FAR2: variants seen among roughly 807,000 people sequenced by gnomAD.
FAR2 encodes the protein epididymis secretory protein Li 81.
FAR2 carries 19 observed loss-of-function variants against 56.0 expected under a neutral mutation model. That is an observed-to-expected ratio of 0.34 (90% confidence interval 0.24 to 0.50). FAR2 has a LOEUF of 0.50. Among genes scored for constraint, FAR2 ranks in the 20% least tolerant of loss-of-function variants. The pLI, the probability that FAR2 is intolerant of heterozygous loss-of-function variation, is 0.98. For synonymous variants in FAR2, 219 were observed against 218.8 expected (o/e 1.00, Z -0.01); for missense variants, 508 against 642.2 (o/e 0.79, Z 2.26).
At chr12:29,209,311 T>C (rs1014686972) in intron 1 of FAR2, among the ~76,000 whole-genome samples, 1 of 152,226 alleles carries the variant, frequency 6.6e-6, no homozygotes. Context: ...AAGTCTTCTC[T>C]CACTATCTTC....
intron 1 of FAR2, among the ~76,000 whole-genome samples, chr12:29,233,229 C>T (rs1947886794): frequency 6.6e-6 from 1 of 152,186 alleles, no homozygotes; most frequent in South Asian, 2.1e-4. Flanking sequence ...CAATGTCCAG[C>T]TTCTCTGCAC....
intron 1 of FAR2, among the ~76,000 whole-genome samples, chr12:29,204,812 C>G (rs1028896719): frequency 2.0e-5 from 3 of 152,134 alleles, no homozygotes; most frequent in African/African-American, 7.2e-5. Flanking sequence ...TTTTAAACAA[C>G]CGGATCTCAG....
intron 1 of FAR2, among the ~76,000 whole-genome samples, chr12:29,163,611 T>C (rs898461382): frequency 2.6e-5 from 4 of 152,222 alleles, no homozygotes; most frequent in African/African-American, 9.6e-5. Flanking sequence ...TTAATAAATA[T>C]GATTTGAATT....
rs145300782 is a variant in FAR2, at chr12:29,296,546, C to A, written c.366-475C>A. Among the ~76,000 whole-genome samples the A allele has an allele frequency of 3.3e-5, 5 of 152,262 alleles. No homozygotes were observed. The East Asian group carries it at 9.6e-4, about 29-fold the overall frequency. On this transcript the variant is annotated intron_variant, in intron 3 of 11. Coordinates refer to ENST00000536681, the MANE Select transcript of FAR2 (RefSeq NM_001271783.2). ...ATATAGCTTTGCATTCTACTAGCTG[C>A]AATTTTAGATTTTGACATCAATTTT...
intron 1 of FAR2, among the ~76,000 whole-genome samples, chr12:29,194,395 T>C (rs1417803927): frequency 6.6e-6 from 1 of 152,146 alleles, no homozygotes; most frequent in Non-Finnish European, 1.5e-5. Flanking sequence ...TAGGTACTGA[T>C]ATGATTGTGC....
At chr12:29,221,111 C>T (rs1199374141) in intron 1 of FAR2, among the ~76,000 whole-genome samples, 1 of 152,026 alleles carries the variant, frequency 6.6e-6, no homozygotes, top group East Asian at 1.9e-4. Context: ...ACTCCCTTAC[C>T]AGGGGCGTAT....
At chr12:29,291,033 G>A (rs1591934487) in intron 2 of FAR2, among the ~76,000 whole-genome samples, 1 of 152,092 alleles carries the variant, frequency 6.6e-6, no homozygotes, top group African/African-American at 2.4e-5. Flanking sequence ...ATGCTTGAAG[G>A]GATAGATACC....
chr12:29,326,305 C>G (rs571085794), intron 10 of FAR2, among the ~76,000 whole-genome samples: 110 of 152,202 alleles, frequency 7.2e-4, no homozygotes, highest in Non-Finnish European at 1.4e-3. Context: ...GGATTCACAG[C>G]CGAATTCTAC....
At chr12:29,185,496 C>T (rs16933990) in intron 1 of FAR2, among the ~76,000 whole-genome samples, 6,526 of 152,108 alleles carry the variant, frequency 0.043, 211 homozygotes, top group East Asian at 0.1. Flanking sequence ...AACATTATAC[C>T]GGGTGAACAA....
chr12:29,280,277 T>A (rs1948767230), intron 2 of FAR2: 3 of 152,228 alleles, frequency 2.0e-5, no homozygotes, highest in Admixed American at 6.5e-5. Flanking sequence ...AGGTATGTTA[T>A]TTTGTTCGTT....
rs111448541 is a variant in FAR2, at chr12:29,227,878, TA to T, written c.-38-42521del. Among the ~76,000 whole-genome samples the T allele has an allele frequency of 7.2e-3, 1,058 of 146,992 alleles. 4 individuals are homozygous for T. Among genetic ancestry groups the T allele is most frequent in the African/African-American group, 9.0e-3 (360 of 39,900 alleles). On this transcript the variant is annotated intron_variant, in intron 1 of 11. Coordinates refer to ENST00000536681, the MANE Select transcript of FAR2 (RefSeq NM_001271783.2). ...ATTTCATTGGTATACTTTGCTAAGG[TA>T]AAAAAAAAAAAATTGGCTTCCATTT...
chr12:29,190,321 A>AG (rs1950091479), intron 1 of FAR2, among the ~76,000 whole-genome samples: 1 of 9,884 alleles, frequency 1.0e-4, no homozygotes, highest in Admixed American at 1.8e-3. Flanking sequence ...GAGTGATGAC[A>AG]GAAAAAAAAA....
intron 1 of FAR2, among the ~76,000 whole-genome samples, chr12:29,240,149 A>T (rs1948004217): frequency 6.6e-6 from 1 of 152,210 alleles, no homozygotes; most frequent in Non-Finnish European, 1.5e-5. Context: ...AGATTCACTT[A>T]CCACTGTTTA....
chr12:29,259,055 T>A (rs144577490), intron 1 of FAR2, among the ~76,000 whole-genome samples: 502 of 152,364 alleles, frequency 3.3e-3, no homozygotes, highest in Non-Finnish European at 6.0e-3. Context: ...TGTACTTAGC[T>A]TCATAGGCAG....
intron 11 of FAR2, 171 bp downstream of exon 11, chr12:29,332,898 A>C: frequency 1.4e-6 from 1 of 708,960 alleles, no homozygotes; most frequent in Non-Finnish European, 2.5e-6. Flanking sequence ...ACTTCACCAC[A>C]CCTCTATGAG....
intron 1 of FAR2, among the ~76,000 whole-genome samples, chr12:29,254,718 G>A (rs1236753487): frequency 6.6e-6 from 1 of 152,218 alleles, no homozygotes; most frequent in East Asian, 1.9e-4. Flanking sequence ...TTGGGAGGCC[G>A]AGGCAGGCAG....
intron 2 of FAR2, among the ~76,000 whole-genome samples, chr12:29,290,523 C>T (rs562004319): frequency 1.3e-5 from 2 of 152,120 alleles, no homozygotes; most frequent in South Asian, 4.1e-4. Flanking sequence ...AAAAGGAAAT[C>T]AGTATCTCAA....
intron 1 of FAR2, among the ~76,000 whole-genome samples, chr12:29,257,053 G>C (rs1948330223): frequency 6.6e-6 from 1 of 152,270 alleles, no homozygotes; most frequent in Non-Finnish European, 1.5e-5. Context: ...CTGGCAGGTA[G>C]CTCCATCTGT....
intron 1 of FAR2, among the ~76,000 whole-genome samples, chr12:29,182,091 G>A (rs1949997885): frequency 6.6e-6 from 1 of 152,162 alleles, no homozygotes; most frequent in African/African-American, 2.4e-5. Context: ...CACTACTATT[G>A]TGTGCAGAGT....
Sources: allele counts gnomAD v4.1 joint callset (sites outside exome capture counted in the v4.1 genomes callset), GRCh38; gene constraint gnomAD v4.1.1; transcripts MANE v1.5; gene names NCBI Gene and HGNC (gene_info 2026-07-23, HGNC 2026-07-21).